The following PTPRD variants were observed in gnomAD, a reference collection of about 807,000 sequenced individuals.
PTPRD encodes the protein protein tyrosine phosphatase receptor type D, also known as receptor-type tyrosine-protein phosphatase delta.
PTPRD carries 34 observed loss-of-function variants against 214.5 expected under a neutral mutation model. The ratio of observed to expected loss-of-function variants is 0.16; its 90% confidence interval spans 0.12 to 0.21. The LOEUF (loss-of-function observed/expected upper bound fraction) is 0.21. Among genes scored for constraint, PTPRD ranks in the 10% least tolerant of loss-of-function variants. The pLI is 1.00. For missense variants in PTPRD, 2,545 were observed against 2,398.7 expected (o/e 1.06, Z -1.27); for synonymous variants, 1,128 against 845.7 (o/e 1.33, Z -5.79).
At chr9:8,489,861 C>T (rs2097113734) in intron 27 of PTPRD, among the ~76,000 whole-genome samples, 1 of 152,174 alleles carries the variant, frequency 6.6e-6, no homozygotes, top group Non-Finnish European at 1.5e-5. Context: ...CATTTACCAA[C>T]AATTCACTTT....
At chr9:9,593,117 G>GA (rs1563920730) in intron 7 of PTPRD, among the ~76,000 whole-genome samples, 33 of 144,570 alleles carry the variant, frequency 2.3e-4, no homozygotes, top group Admixed American at 8.4e-4. Flanking sequence ...AGAAAGGAAG[G>GA]AAGGAAAGGA....
At chr9:10,001,794 G>A (rs978338825) in intron 4 of PTPRD, among the ~76,000 whole-genome samples, 9 of 152,076 alleles carry the variant, frequency 5.9e-5, no homozygotes, top group Admixed American at 3.9e-4. Flanking sequence ...AATACTAACT[G>A]GAGAGTCCTT....
intron 11 of PTPRD, among the ~76,000 whole-genome samples, chr9:8,804,361 C>G (rs1406863836): frequency 2.0e-5 from 3 of 151,870 alleles, no homozygotes; most frequent in Non-Finnish European, 4.4e-5. Context: ...ATTTTGGGAA[C>G]CGAGAGCAGG....
chr9:9,438,741 A>C (rs945517172), intron 8 of PTPRD, among the ~76,000 whole-genome samples: 6 of 152,224 alleles, frequency 3.9e-5, no homozygotes, highest in African/African-American at 1.2e-4. Flanking sequence ...TTTGAGAAGA[A>C]AATTATGTAC....
intron 12 of PTPRD, among the ~76,000 whole-genome samples, chr9:8,685,655 T>G (rs1271028426): frequency 6.6e-6 from 1 of 152,150 alleles, no homozygotes; most frequent in Non-Finnish European, 1.5e-5. Flanking sequence ...GAATAAATAG[T>G]GTACCAAACT....
At chr9:9,149,601 G>C (rs779721055) in intron 10 of PTPRD, among the ~76,000 whole-genome samples, 6 of 152,130 alleles carry the variant, frequency 3.9e-5, no homozygotes, top group Non-Finnish European at 8.8e-5. Flanking sequence ...AAATCACCCA[G>C]ATAAAAAAAT....
At chr9:9,736,417 TTAC>T (rs1329256936) in intron 6 of PTPRD, among the ~76,000 whole-genome samples, 1 of 152,110 alleles carries the variant, frequency 6.6e-6, no homozygotes, top group East Asian at 1.9e-4. Context: ...ATTCCACAAT[TTAC>T]ATATTCAATC....
intron 7 of PTPRD, among the ~76,000 whole-genome samples, chr9:9,687,064 T>C (rs890155511): frequency 2.0e-5 from 3 of 151,618 alleles, no homozygotes; most frequent in Non-Finnish European, 4.4e-5. Flanking sequence ...AGTGTAGTGT[T>C]CAAAAAAGGT....
At chr9:10,510,038 G>T (rs770237130) in intron 2 of PTPRD, among the ~76,000 whole-genome samples, 2 of 151,986 alleles carry the variant, frequency 1.3e-5, no homozygotes, top group Non-Finnish European at 2.9e-5. Flanking sequence ...ACTTTGCTCA[G>T]CTCTAGTATA....
chr9:9,156,751 TAG>T (rs57874964), intron 10 of PTPRD, among the ~76,000 whole-genome samples: 47,781 of 151,906 alleles, frequency 0.31, 8,181 homozygotes, highest in Non-Finnish European at 0.39. Context: ...TCAAAAATCT[TAG>T]AGTCTTCTCC....
intron 2 of PTPRD, among the ~76,000 whole-genome samples, chr9:10,578,694 A>G (rs533219393): frequency 1.6e-4 from 25 of 152,290 alleles, no homozygotes; most frequent in South Asian, 6.2e-4. Context: ...AACACACTAC[A>G]GCATTGCCAC....
In PTPRD at chr9:9,412,055, G is replaced by C. The variant is rs183606057; in HGVS notation, c.-236-14573C>G. On this transcript the variant is annotated intron_variant, in intron 8 of 45. Transcript: ENST00000381196. ...ATCTTTCTGCTATGCCTAGATGTCT[G>C]AGCCAGCAGAGTAGAAAAAAGCGAT... Among the ~76,000 whole-genome samples, 116 of 152,254 alleles carry C rather than the reference G, an allele frequency of 7.6e-4. 2 individuals carry two copies. The highest frequency in any genetic ancestry group is 2.8e-3 in the African/African-American group (115 of 41,532).
intron 3 of PTPRD, among the ~76,000 whole-genome samples, chr9:10,106,141 T>G (rs953898431): frequency 2.0e-5 from 3 of 151,736 alleles, no homozygotes; most frequent in Non-Finnish European, 2.9e-5. Context: ...GTTTTTGAAT[T>G]CAATTTTGTG....
chr9:9,822,218 C>T (rs904218973), intron 5 of PTPRD, among the ~76,000 whole-genome samples: 2 of 150,618 alleles, frequency 1.3e-5, no homozygotes, highest in Non-Finnish European at 3.0e-5. Context: ...CAAGACCATC[C>T]TGGCCAACAT....
intron 19 of PTPRD, among the ~76,000 whole-genome samples, chr9:8,523,083 C>T (rs1258225960): frequency 6.6e-6 from 1 of 151,822 alleles, no homozygotes; most frequent in Non-Finnish European, 1.5e-5. Flanking sequence ...CCAGTGTAGA[C>T]TCTGAGGTAT....
intron 14 of PTPRD, among the ~76,000 whole-genome samples, chr9:8,610,048 T>C (rs1181404078): frequency 2.0e-5 from 3 of 152,172 alleles, no homozygotes; most frequent in Non-Finnish European, 4.4e-5. Flanking sequence ...AGGACTGATA[T>C]CGAGATTAAA....
chr9:9,121,018 T>A (rs1330666571), intron 10 of PTPRD, among the ~76,000 whole-genome samples: 1 of 152,208 alleles, frequency 6.6e-6, no homozygotes, highest in African/African-American at 2.4e-5. Context: ...TATTATTATC[T>A]GCTTTTAGCG....
At chr9:9,278,399 AT>A (rs1946433019) in intron 9 of PTPRD, among the ~76,000 whole-genome samples, 1 of 151,382 alleles carries the variant, frequency 6.6e-6, no homozygotes, top group African/African-American at 2.4e-5. Context: ...AAATTTTAAG[AT>A]TTTTATAACA....
intron 5 of PTPRD, among the ~76,000 whole-genome samples, chr9:9,915,215 A>G (rs921416554): frequency 5.3e-5 from 8 of 152,158 alleles, no homozygotes; most frequent in Admixed American, 3.9e-4. Flanking sequence ...ACAGCCCAAG[A>G]CCCATTCGTA....
Sources: allele counts gnomAD v4.1 joint callset (sites outside exome capture counted in the v4.1 genomes callset), GRCh38; gene constraint gnomAD v4.1.1; transcripts MANE v1.5; gene names NCBI Gene and HGNC (gene_info 2026-07-23, HGNC 2026-07-21).